The following CST9L variants were observed in gnomAD, a reference collection of about 807,000 sequenced individuals.
CST9L encodes the protein cystatin 9 like.
Under a neutral mutation model 13.2 loss-of-function variants are expected in CST9L, and 17 were observed. That is an observed-to-expected ratio of 1.29 (90% CI 0.88 to 1.93). The LOEUF (loss-of-function observed/expected upper bound fraction) is 1.93, where lower values mean the gene tolerates loss of function less well. Ranked by LOEUF, CST9L falls within the 30% of genes most tolerant of loss-of-function variation. The pLI is 0.00. For missense variants in CST9L, 170 were observed against 170.5 expected (o/e 1.00, Z 0.02); for synonymous variants, 78 against 69.1 (o/e 1.13, Z -0.64).
rs1989129896 is a variant in CST9L at position 23,568,403 on chromosome 20, C to A, written c.48G>T (p.Leu16=). 2 of 1,614,024 alleles carry A rather than the reference C, an allele frequency of 1.2e-6. No individual in the cohort carries two copies. The highest frequency in any genetic ancestry group is 1.7e-6 in the Non-Finnish European group (2 of 1,180,004). The change falls in exon 1 of 3, where the codon CTG becomes CTT. Residue 16 remains leucine, a synonymous_variant. Coordinates refer to ENST00000376979, the MANE Select transcript of CST9L (RefSeq NM_080610.3). ...WKGGLSWALL[L]LLLGSQILLI... The stretch of plus-strand genomic sequence containing the variant: ...GCAGGATCTGGGAGCCTAAGAGAAG[C>A]AGCAGCAGCGCCCAGGACAGACCTC...
chr20:23,565,360 G>A (rs920967201), intron 2 of CST9L, among the ~76,000 whole-genome samples: 2 of 152,172 alleles, frequency 1.3e-5, no homozygotes, highest in African/African-American at 2.4e-5. Context: ...TTGTCCCAGT[G>A]GAAGCAGTTC....
rs552619927 is a variant in CST9L at position 23,565,988 on chromosome 20, T to G, written c.340A>C (p.Thr114Pro). The G allele has an allele frequency of 1.9e-6, 3 of 1,585,806 alleles. No individual in the cohort carries two copies. In the South Asian group the frequency reaches 3.3e-5, roughly 18 times the overall value. Reference protein sequence around the residue: ...DIDNCHFQESTELNNTFTCFF... With the variant: ...DIDNCHFQESPELNNTFTCFF... ...TCCTGTCTTACATTGTTCAGCTCTG[T>G]GCTTTCTTGGAAATGGCAGTTGTCA... The change falls in exon 2 of 3, where the codon ACA becomes CCA. Residue 114 changes from threonine (T) to proline (P), a missense_variant. Coordinates refer to ENST00000376979, the MANE Select transcript of CST9L (RefSeq NM_080610.3).
intron 1 of CST9L, among the ~76,000 whole-genome samples, chr20:23,566,999 A>G (rs1375428628): frequency 6.6e-6 from 1 of 152,056 alleles, no homozygotes; most frequent in African/African-American, 2.4e-5. Flanking sequence ...CTATCCGTCC[A>G]TTTCCCCAAC....
intron 2 of CST9L, among the ~76,000 whole-genome samples, chr20:23,565,313 G>T (rs1989076672): frequency 6.6e-6 from 1 of 152,214 alleles, no homozygotes. Context: ...GGCTGTCCTG[G>T]TGTGATCCCT....
At chr20:23,565,776 A>G (rs558395600) in intron 2 of CST9L, among the ~76,000 whole-genome samples, 198 bp downstream of exon 2, 7 of 152,274 alleles carry the variant, frequency 4.6e-5, no homozygotes, top group Non-Finnish European at 8.8e-5. Flanking sequence ...ATAAACTCAG[A>G]TTGGCCAGGA....
chr20:23,566,085 C>T lies in CST9L; in HGVS notation c.243G>A (p.Val81=), dbSNP rs55722105. Residue 81 remains valine, a splice_region_variant and synonymous_variant, in exon 2 of 3, where the codon GTG becomes GTA. Coordinates refer to ENST00000376979, the MANE Select transcript of CST9L (RefSeq NM_080610.3). The part of the protein sequence containing the change: ...GHILNSWKEQ[V]ESKTVFSMEL... ...CCATTGAGAATACAGTCTTGGACTC[C>T]ACCTATTGCACACAGAGAGATTAAT... The T allele has an allele frequency of 1.2e-3, 1,855 of 1,522,546 alleles. 9 individuals carry two copies. Among genetic ancestry groups the T allele is most frequent in the Admixed American group, 8.4e-3 (504 of 59,920 alleles). The allele number at this position is 1,522,546 out of a possible 1,614,324, so 94.3% of individuals were successfully genotyped here.
intron 1 of CST9L, among the ~76,000 whole-genome samples, chr20:23,566,875 G>A (rs891659763): frequency 6.6e-6 from 1 of 152,096 alleles, no homozygotes; most frequent in African/African-American, 2.4e-5. Flanking sequence ...TTGACAGGGT[G>A]AGACTCCATA....
intron 2 of CST9L, 90 bp from the exon 3 acceptor site, chr20:23,565,127 T>C: frequency 1.1e-6 from 1 of 921,602 alleles, no homozygotes; most frequent in South Asian, 1.3e-5. Context: ...CCTCTCCACA[T>C]TGCCCTTTCC....
intron 1 of CST9L, among the ~76,000 whole-genome samples, chr20:23,567,510 A>G (rs1271531424): frequency 4.6e-5 from 3 of 65,932 alleles, no homozygotes; most frequent in Non-Finnish European, 1.2e-4. Context: ...TCCATCTCAA[A>G]AAAAAAAAAA....
At chr20:23,565,589 A>G (rs1199497388) in intron 2 of CST9L, among the ~76,000 whole-genome samples, 1 of 152,242 alleles carries the variant, frequency 6.6e-6, no homozygotes, top group South Asian at 2.1e-4. Context: ...TGAGAACTGC[A>G]TCCACAGACA....
chr20:23,568,329 T>C lies in CST9L; in HGVS notation c.122A>G (p.Asn41Ser), dbSNP rs989426002. 9 of 1,614,196 alleles carry C rather than the reference T, an allele frequency of 5.6e-6. No individual in the cohort carries two copies. Among genetic ancestry groups the C allele is most frequent in the African/African-American group, 1.3e-5 (1 of 75,042 alleles). The change falls in exon 1 of 3, where the codon AAT (asparagine) becomes AGT (serine). Residue 41 changes from asparagine (N) to serine (S), a missense_variant. Physicochemically the swap from Asn to Ser is conservative, Grantham distance 46 (BLOSUM62 1). Coordinates refer to ENST00000376979, the MANE Select transcript of CST9L (RefSeq NM_080610.3). Reference sequence around the variant, plus strand: ...GGCAGGGAGGTAACGAGCCATGACATTGTGTTCATCACAGTCCCTTTGCTC... The same window carrying C: ...GGCAGGGAGGTAACGAGCCATGACACTGTGTTCATCACAGTCCCTTTGCTC... Reference protein sequence around the residue: ...FHEQRDCDEHNVMARYLPATV... With the variant: ...FHEQRDCDEHSVMARYLPATV...
intron 2 of CST9L, 33 bp downstream of exon 2, chr20:23,565,941 G>A (rs764875437): frequency 1.7e-6 from 2 of 1,168,406 alleles, no homozygotes; most frequent in South Asian, 1.2e-5. Context: ...ATCCACAGCT[G>A]TATCCAGGAG....
At chr20:23,567,791 T>TTA (rs1009632679) in intron 1 of CST9L, among the ~76,000 whole-genome samples, 55 of 152,136 alleles carry the variant, frequency 3.6e-4, no homozygotes, top group African/African-American at 1.3e-3. Flanking sequence ...TCCTGAACCC[T>TTA]TACTGTTCTC....
At chr20:23,567,558 C>T (rs1009338624) in intron 1 of CST9L, among the ~76,000 whole-genome samples, 1 of 146,568 alleles carries the variant, frequency 6.8e-6, no homozygotes, top group Non-Finnish European at 1.5e-5. Context: ...TTTCATTGTT[C>T]ATGCCTACAG....
At chr20:23,567,345 T>C (rs1989112353) in intron 1 of CST9L, among the ~76,000 whole-genome samples, 1 of 151,900 alleles carries the variant, frequency 6.6e-6, no homozygotes, top group African/African-American at 2.4e-5. Flanking sequence ...CTGTCTCTAC[T>C]AAAAATACAA....
chr20:23,567,232 G>A (rs1332264654), intron 1 of CST9L, among the ~76,000 whole-genome samples: 1 of 152,142 alleles, frequency 6.6e-6, no homozygotes, highest in Non-Finnish European at 1.5e-5. Context: ...CAACTTAGCT[G>A]GGTGCAGTGG....
Position 23,568,399 on chromosome 20 carries a change from G to T in CST9L, c.52C>A (p.Leu18Ile), listed in dbSNP as rs1213026066. ...ATCAGCAGGATCTGGGAGCCTAAGA[G>T]AAGCAGCAGCAGCGCCCAGGACAGA... ...GGLSWALLLLLLGSQILLIYA... is the reference protein window; with the variant it reads ...GGLSWALLLLILGSQILLIYA... Residue 18 changes from leucine (L) to isoleucine (I), a missense_variant, in exon 1 of 3, where the codon CTC becomes ATC. Coordinates refer to ENST00000376979, the MANE Select transcript of CST9L (RefSeq NM_080610.3). 6.2e-7 allele frequency: 1 copy of T among 1,614,092 alleles called. No homozygotes were observed. Among genetic ancestry groups the T allele is most frequent in the Non-Finnish European group, 8.5e-7 (1 of 1,180,042 alleles).
chr20:23,567,049 C>A lies in CST9L; in HGVS notation c.241-962G>T, dbSNP rs899886006. Reference sequence around the variant, plus strand: ...TGGAATTGTCACATCCAGGAACCCACGTGGCAGGCTCCAGCCCAGAGAGCA... The same window carrying A: ...TGGAATTGTCACATCCAGGAACCCAAGTGGCAGGCTCCAGCCCAGAGAGCA... On this transcript the variant is annotated intron_variant, in intron 1 of 2. Coordinates refer to ENST00000376979, the MANE Select transcript of CST9L (RefSeq NM_080610.3). Among the ~76,000 whole-genome samples the A allele has an allele frequency of 5.3e-5, 8 of 152,314 alleles. No homozygotes were observed. In the East Asian group the frequency reaches 1.5e-3, roughly 29 times the overall value.
intron 2 of CST9L, 109 bp from the exon 3 acceptor site, chr20:23,565,146 G>A: frequency 1.3e-6 from 1 of 798,290 alleles, no homozygotes; most frequent in Non-Finnish European, 2.2e-6. Flanking sequence ...CCCAGGTCAA[G>A]CAGTGGGAAG....
Sources: gnomAD v4.1 joint callset for allele counts (sites outside exome capture counted in the v4.1 genomes callset) on GRCh38, gnomAD v4.1.1 for gene constraint, MANE v1.5 for transcripts, NCBI Gene and HGNC (gene_info 2026-07-23, HGNC 2026-07-21) for gene names.